The following FZR1 variants were observed in gnomAD, a reference collection of about 807,000 sequenced individuals.
The protein encoded by FZR1 is fizzy and cell division cycle 20 related 1.
Under a neutral mutation model 63.6 loss-of-function variants are expected in FZR1, and 11 were observed. The observed-to-expected ratio is 0.17, with a 90% CI of 0.11 to 0.29. The LOEUF (loss-of-function observed/expected upper bound fraction) is 0.29. Among genes scored for constraint, FZR1 ranks in the 10% least tolerant of loss-of-function variants. The pLI is 1.00. For synonymous variants in FZR1, 328 were observed against 297.9 expected (o/e 1.10, Z -1.04); for missense variants, 440 against 687.5 (o/e 0.64, Z 4.03).
chr19:3,526,189 G>T lies in FZR1; in HGVS notation c.259+6G>T. ...CACCTCAGACAACGGCAAAGGTTAG[G>T]GTCCCAGCCCATCCGCCCTGCAGGC... On this transcript the variant is annotated splice_donor_region_variant and intron_variant, in intron 4 of 13. Coordinates refer to ENST00000441788, the MANE Select transcript of FZR1 (RefSeq NM_016263.4). The surrounding 1 kb of genome is among the most constrained non-coding windows in gnomAD (Gnocchi z 5.4). 6.2e-7 allele frequency: 1 copy of T among 1,612,536 alleles called. No homozygotes were observed.
intron 7 of FZR1, among the ~76,000 whole-genome samples, chr19:3,529,068 G>A (rs549520650): frequency 3.8e-4 from 49 of 129,648 alleles, no homozygotes; most frequent in African/African-American, 1.9e-3. Context: ...ATGCTTGAGC[G>A]GATGGGAGAG....
In FZR1 at chr19:3,532,100, C is replaced by G. The variant is rs957870142; in HGVS notation, c.1008+5C>G. 11 of 1,498,222 alleles carry G rather than the reference C, an allele frequency of 7.3e-6. No homozygotes were observed. The highest frequency in any genetic ancestry group is 3.6e-6 in the Non-Finnish European group (4 of 1,124,326). The allele number at this position is 1,498,222 out of a possible 1,614,324, so 92.8% of individuals were successfully genotyped here. A position where few individuals can be genotyped will look rare whatever the true frequency, so the allele number is the denominator to read the frequency against. Reference sequence around the variant, plus strand: ...TCGGGGGGCAACGACAACAAGGTACCCCCGCCCAGAGCCTGGGCTTCCCCT... The same window carrying G: ...TCGGGGGGCAACGACAACAAGGTACGCCCGCCCAGAGCCTGGGCTTCCCCT... On this transcript the variant is annotated splice_donor_5th_base_variant and intron_variant, in intron 10 of 13. Transcript: ENST00000441788.
intron 7 of FZR1, among the ~76,000 whole-genome samples, chr19:3,530,509 TGA>T (rs1159755207): frequency 7.4e-6 from 1 of 135,136 alleles, no homozygotes; most frequent in African/African-American, 2.8e-5. Context: ...CAAGAGTGGA[TGA>T]GAGTGGTTGA....
chr19:3,529,708 G>T (rs1238683668), intron 7 of FZR1, among the ~76,000 whole-genome samples: 85 of 137,616 alleles, frequency 6.2e-4, no homozygotes, highest in African/African-American at 2.2e-3. Flanking sequence ...GAGCGGATGG[G>T]AGAGCGGATG....
chr19:3,522,937 C>G lies in FZR1; in HGVS notation c.-34-19C>G. 7.6e-7 allele frequency: 1 copy of G among 1,313,020 alleles called. No homozygotes were observed. The highest frequency in any genetic ancestry group is 2.3e-5 in the East Asian group (1 of 43,504). The allele number at this position is 1,313,020 out of a possible 1,614,324, so 81.3% of individuals were successfully genotyped here. On this transcript the variant is annotated intron_variant, in intron 1 of 13. Transcript: ENST00000441788. The stretch of plus-strand genomic sequence containing the variant: ...AGCCGGCCCTGCCCCACTCACCTCT[C>G]CTGCCCTTCCCGCTGCAGGCTAACC...
In FZR1 at chr19:3,529,470, A is replaced by G. The variant is rs528969586; in HGVS notation, c.655-1322A>G. On this transcript the variant is annotated intron_variant, in intron 7 of 13. Coordinates refer to ENST00000441788, the MANE Select transcript of FZR1 (RefSeq NM_016263.4). ...GCTGGTTGAGTGGATGGGAGAGCAG[A>G]TGGGAGAGCAGATGGGAGAGCAGAT... Among the ~76,000 whole-genome samples, 7 of 139,930 alleles carry G rather than the reference A, an allele frequency of 5.0e-5. No individual in the cohort carries two copies. In the South Asian group the frequency reaches 1.5e-3, roughly 29 times the overall value. 91.8% of individuals were successfully genotyped at this position (139,930 alleles called of 152,430 possible).
intron 7 of FZR1, among the ~76,000 whole-genome samples, chr19:3,528,706 G>GGAAA (rs1568237070): frequency 0.011 from 1,381 of 126,830 alleles, 7 homozygotes; most frequent in African/African-American, 0.014. Context: ...AGAGTGGATG[G>GGAAA]GTGAGCAGAT....
chr19:3,512,497 C>T (rs1002549432), intron 1 of FZR1, among the ~76,000 whole-genome samples: 8 of 152,018 alleles, frequency 5.3e-5, no homozygotes, highest in African/African-American at 1.9e-4. Flanking sequence ...GGGCTGATCC[C>T]GTCGAAAGCC....
chr19:3,529,392 G>C (rs2083205917), intron 7 of FZR1, among the ~76,000 whole-genome samples: 1 of 147,752 alleles, frequency 6.8e-6, no homozygotes, highest in Non-Finnish European at 1.5e-5. Flanking sequence ...GAGCAGATGG[G>C]TGAGCGGATG....
intron 12 of FZR1, chr19:3,534,157 C>A: frequency 2.8e-6 from 1 of 360,786 alleles, no homozygotes; most frequent in Non-Finnish European, 5.0e-6. Flanking sequence ...GAGGTCAAGG[C>A]TGCAGTAAGC....
In FZR1 at chr19:3,522,775, G is replaced by A. The variant is rs890485323; in HGVS notation, c.-34-181G>A. The stretch of plus-strand genomic sequence containing the variant: ...CTGGGAGGGTCTGTGGGCAGCAGCC[G>A]AGGCCCAGGTTGGGGGAGCCTCACC... On this transcript the variant is annotated intron_variant, in intron 1 of 13. Coordinates refer to ENST00000441788, the MANE Select transcript of FZR1 (RefSeq NM_016263.4). Among the ~76,000 whole-genome samples, 13 of 152,124 alleles carry A rather than the reference G, an allele frequency of 8.5e-5. No individual in the cohort carries two copies. The South Asian group carries it at 1.0e-3, about 12-fold the overall frequency.
At chr19:3,518,475 G>A (rs879722210) in intron 1 of FZR1, among the ~76,000 whole-genome samples, 7 of 152,140 alleles carry the variant, frequency 4.6e-5, no homozygotes, top group Admixed American at 6.5e-5. Flanking sequence ...ACCAGGACAC[G>A]GGAAGGGCTG....
At chr19:3,527,244 G>A (rs946236959) in intron 6 of FZR1, among the ~76,000 whole-genome samples, 182 bp downstream of exon 6, 235 of 152,188 alleles carry the variant, frequency 1.5e-3, no homozygotes, top group Non-Finnish European at 2.5e-3. Flanking sequence ...TCCTTAGAGT[G>A]GAGGGGCCCC....
intron 8 of FZR1, among the ~76,000 whole-genome samples, chr19:3,531,343 T>G (rs1463984586): frequency 6.6e-6 from 1 of 152,152 alleles, no homozygotes; most frequent in African/African-American, 2.4e-5. Context: ...ATCTTAGGTT[T>G]TCATGTGCCT....
In FZR1 at chr19:3,538,170, G is replaced by A. The variant is rs2030063038; in HGVS notation, c.*3334G>A. On this transcript the variant is annotated 3_prime_UTR_variant, in exon 14 of 14. Transcript: ENST00000441788. The stretch of plus-strand genomic sequence containing the variant: ...ATCTGTGGGGACCTGACAAGGGCAG[G>A]GGAAGCGGAGACCAGGGTGCAGGCT... 1 of 158,456 alleles carries A rather than the reference G, an allele frequency of 6.3e-6. No individual in the cohort carries two copies. Among genetic ancestry groups the A allele is most frequent in the Non-Finnish European group, 1.4e-5 (1 of 72,040 alleles). The allele number at this position is 158,456 out of a possible 1,614,324, so 9.8% of individuals were successfully genotyped here. A position where few individuals can be genotyped will look rare whatever the true frequency, so the allele number is the denominator to read the frequency against.
At chr19:3,511,055 G>A (rs1478900008) in intron 1 of FZR1, among the ~76,000 whole-genome samples, 1 of 152,230 alleles carries the variant, frequency 6.6e-6, no homozygotes, top group African/African-American at 2.4e-5. Flanking sequence ...TGCGGGCCTC[G>A]GGAACCTGAT....
In FZR1 at chr19:3,536,347, C is replaced by CT. The variant is rs1415217693; in HGVS notation, c.*1512dup. 2 of 152,194 alleles carry CT rather than the reference C, an allele frequency of 1.3e-5. No individual in the cohort carries two copies. Among genetic ancestry groups the CT allele is most frequent in the African/African-American group, 4.8e-5 (2 of 41,430 alleles). 9.4% of individuals were successfully genotyped at this position (152,194 alleles called of 1,614,324 possible). A position where few individuals can be genotyped will look rare whatever the true frequency, so the allele number is the denominator to read the frequency against. On this transcript the variant is annotated 3_prime_UTR_variant, in exon 14 of 14. Coordinates refer to ENST00000441788, the MANE Select transcript of FZR1 (RefSeq NM_016263.4). Reference sequence around the variant, plus strand: ...ATCTTCCACATTCACTGGAGAGACTCTCCCCACCTCTGTCTGGGTGGGGCG... The same window carrying CT: ...ATCTTCCACATTCACTGGAGAGACTCTTCCCCACCTCTGTCTGGGTGGGGCG...
chr19:3,512,091 A>G (rs572588111), intron 1 of FZR1, among the ~76,000 whole-genome samples: 2 of 152,298 alleles, frequency 1.3e-5, no homozygotes, highest in African/African-American at 4.8e-5. Context: ...TGATGGGGGC[A>G]GCATGGGAGG....
intron 1 of FZR1, among the ~76,000 whole-genome samples, chr19:3,522,670 C>T (rs1272863855): frequency 1.3e-5 from 2 of 152,214 alleles, no homozygotes; most frequent in East Asian, 3.9e-4. Context: ...AGGACTCTTC[C>T]CAGCCCCCGC....
Sources: gnomAD v4.1 joint callset for allele counts (sites outside exome capture counted in the v4.1 genomes callset) on GRCh38, gnomAD v4.1.1 for gene constraint, Gnocchi (gnomAD v3.1) non-coding constraint, MANE v1.5 for transcripts, NCBI Gene and HGNC (gene_info 2026-07-23, HGNC 2026-07-21) for gene names.